The following ABCA1 variants were observed in gnomAD, a reference collection of about 807,000 sequenced individuals.
ABCA1 encodes the protein ATP binding cassette subfamily A member 1.
ABCA1 carries 133 observed loss-of-function variants against 262.5 expected under a neutral mutation model. The observed-to-expected ratio is 0.51, with a 90% CI of 0.44 to 0.59. ABCA1 has a LOEUF of 0.59. Ranked by LOEUF, ABCA1 falls within the 20% of genes least tolerant of loss-of-function variation. The pLI, the probability that ABCA1 is intolerant of heterozygous loss-of-function variation, is 0.00. For synonymous variants in ABCA1, 1,022 were observed against 1,043.5 expected, an observed-to-expected ratio of 0.98 and a Z score of 0.40; for missense variants, 2,452 against 2,777.5, an observed-to-expected ratio of 0.88 and a Z score of 2.63.
chr9:104,808,932 T>C (rs907060826), intron 30 of ABCA1, among the ~76,000 whole-genome samples: 9 of 152,236 alleles, frequency 5.9e-5, no homozygotes, highest in African/African-American at 1.2e-4. Context: ...TTAAGGGTCA[T>C]ATGGATGCTT....
intron 5 of ABCA1, among the ~76,000 whole-genome samples, chr9:104,874,457 C>T (rs1484647213): frequency 4.0e-5 from 6 of 151,788 alleles, no homozygotes; most frequent in African/African-American, 1.2e-4. Context: ...CCCAGCTATT[C>T]GGGAGGCTGA....
intron 40 of ABCA1, among the ~76,000 whole-genome samples, chr9:104,794,112 T>A (rs978215440): frequency 6.6e-6 from 1 of 152,354 alleles, no homozygotes; most frequent in East Asian, 1.9e-4. Context: ...GACAGTGGCA[T>A]GAGCCAGTGG....
In ABCA1 at chr9:104,806,236, C is replaced by T. The variant is rs1362525619; in HGVS notation, c.4464+5G>A. The T allele has an allele frequency of 6.2e-7, 1 of 1,612,584 alleles. No individual in the cohort carries two copies. The highest frequency in any genetic ancestry group is 8.5e-7 in the Non-Finnish European group (1 of 1,179,916). On this transcript the variant is annotated splice_donor_5th_base_variant and intron_variant, in intron 31 of 49. Transcript: ENST00000374736. ...CTGCCCAATCACCCCCTGAAAGTGA[C>T]TCACTTGTGGAGGAGGCAGCCCCCC... is the stretch of plus-strand genomic sequence containing the variant.
chr9:104,889,346 G>A lies in ABCA1; in HGVS notation c.67-151C>T, dbSNP rs1400035073. On this transcript the variant is annotated intron_variant, in intron 2 of 49. Coordinates refer to ENST00000374736, the MANE Select transcript of ABCA1 (RefSeq NM_005502.4). ...CCACTCTCTAAGCTTTAACAGAACTGTTTGGAGTCCCAACCTTTTAACATA... is the reference window on the plus strand; with the variant it reads ...CCACTCTCTAAGCTTTAACAGAACTATTTGGAGTCCCAACCTTTTAACATA... 20 of 1,526,008 alleles carry A rather than the reference G, an allele frequency of 1.3e-5. No individual in the cohort carries two copies. The Admixed American group carries it at 3.6e-4, about 28-fold the overall frequency. The allele number at this position is 1,526,008 out of a possible 1,614,324, so 94.5% of individuals were successfully genotyped here.
intron 5 of ABCA1, among the ~76,000 whole-genome samples, chr9:104,881,874 A>C (rs1169585357): frequency 1.3e-5 from 2 of 151,934 alleles, no homozygotes; most frequent in East Asian, 3.9e-4. Context: ...GGAGTTGTCT[A>C]AGTGGACACT....
At chr9:104,893,185 G>A (rs1839904883) in intron 2 of ABCA1, among the ~76,000 whole-genome samples, 1 of 152,088 alleles carries the variant, frequency 6.6e-6, no homozygotes, top group South Asian at 2.1e-4. Flanking sequence ...CACTTTGGGA[G>A]GCTGAGGTGG....
At chr9:104,824,410 T>G (rs971437189) in intron 18 of ABCA1, 55 bp downstream of exon 18, 2 of 1,611,614 alleles carry the variant, frequency 1.2e-6, no homozygotes, top group Non-Finnish European at 1.7e-6. Flanking sequence ...CCCCAACAGT[T>G]AGCAGAGGCA....
chr9:104,824,596 G>C lies in ABCA1; in HGVS notation c.2543-18C>G. 6.2e-7 allele frequency: 1 copy of C among 1,612,804 alleles called. No individual in the cohort carries two copies. ...GTACTGGCCTGAAAGCAAAGCACAG[G>C]TATGAGCCAAGCTCAGCATCATCCC... On this transcript the variant is annotated intron_variant, in intron 17 of 49. Transcript: ENST00000374736.
At chr9:104,924,626 G>C (rs2994375) in intron 1 of ABCA1, among the ~76,000 whole-genome samples, 5 of 99,110 alleles carry the variant, frequency 5.0e-5, no homozygotes, top group Non-Finnish European at 9.6e-5. Flanking sequence ...AAAAAAAAAA[G>C]AAAAAGTATT....
chr9:104,816,174 C>G lies in ABCA1; in HGVS notation c.3707G>C (p.Ser1236Thr). 2.5e-6 allele frequency: 4 copies of G among 1,614,210 alleles called. No individual in the cohort carries two copies. The highest frequency in any genetic ancestry group is 3.4e-6 in the Non-Finnish European group (4 of 1,180,040). The stretch of plus-strand genomic sequence containing the variant: ...CAGGGTCGTCTCTGAGATGCCATAA[C>G]TAGAAATGCCCAGGTCTGAGAGCCG... ...DDRLSDLGIS[S>T]YGISETTLEE... is the part of the protein sequence containing the mutation. The change falls in exon 25 of 50, where the codon AGT becomes ACT. Residue 1236 changes from serine to threonine, a missense_variant. By Grantham distance (58) the Ser-to-Thr change is moderately conservative. This residue lies in a region of ABCA1 where 665 missense variants were observed against 727.3 expected (regional missense o/e 0.91). Coordinates refer to ENST00000374736, the MANE Select transcript of ABCA1 (RefSeq NM_005502.4).
intron 41 of ABCA1, 79 bp downstream of exon 41, chr9:104,793,092 C>T (rs965652653): frequency 5.0e-5 from 80 of 1,599,172 alleles, no homozygotes; most frequent in Middle Eastern, 1.8e-4. Flanking sequence ...CAATGCAACC[C>T]CCATTGGTGA....
At chr9:104,925,038 G>A (rs1191239894) in intron 1 of ABCA1, among the ~76,000 whole-genome samples, 1 of 152,142 alleles carries the variant, frequency 6.6e-6, no homozygotes, top group Non-Finnish European at 1.5e-5. Flanking sequence ...TTCCAATCCT[G>A]CACTAATGCA....
intron 33 of ABCA1, among the ~76,000 whole-genome samples, chr9:104,803,008 G>A (rs1830471222): frequency 6.6e-6 from 1 of 152,182 alleles, no homozygotes; most frequent in African/African-American, 2.4e-5. Flanking sequence ...TTCTCCTCAA[G>A]GAAATCAGTA....
At chr9:104,839,074 G>A (rs947820190) in intron 9 of ABCA1, among the ~76,000 whole-genome samples, 10 of 152,178 alleles carry the variant, frequency 6.6e-5, no homozygotes, top group African/African-American at 2.4e-4. Flanking sequence ...GGTTGGAAAT[G>A]GAGAAAGGTT....
chr9:104,811,031 C>T lies in ABCA1; in HGVS notation c.4051-107G>A, dbSNP rs946297007. 1.4e-5 allele frequency: 21 copies of T among 1,521,966 alleles called. 1 individual carries two copies. The South Asian group carries it at 2.3e-4, about 17-fold the overall frequency. 94.3% of individuals were successfully genotyped at this position (1,521,966 alleles called of 1,614,324 possible). A position where few individuals can be genotyped will look rare whatever the true frequency, so the allele number is the denominator to read the frequency against. ...GAGTCCAGCCCACCTCCCCGACCAA[C>T]CAGCACGGCAATGAGGAATGCAGGG... On this transcript the variant is annotated intron_variant, in intron 28 of 49. Transcript: ENST00000374736.
rs377140470 is a variant in ABCA1, at chr9:104,903,359, T to C, written c.66+255A>G. Among the ~76,000 whole-genome samples, 5 of 152,140 alleles carry C rather than the reference T, an allele frequency of 3.3e-5. No individual in the cohort carries two copies. The East Asian group carries it at 9.6e-4, about 29-fold the overall frequency. ...TCAGGGGCGATTCGGAGCCAGGTCC[T>C]AGGGATCAGAACTCATGCCTGGGCA... is the stretch of plus-strand genomic sequence containing the variant. On this transcript the variant is annotated intron_variant, in intron 2 of 49. Transcript: ENST00000374736.
chr9:104,864,692 A>G (rs1417662837), intron 5 of ABCA1, among the ~76,000 whole-genome samples: 1 of 152,110 alleles, frequency 6.6e-6, no homozygotes, highest in Non-Finnish European at 1.5e-5. Context: ...AGAGCAATAC[A>G]TCATATTGCA....
At chr9:104,794,187 C>G (rs1337074118) in intron 40 of ABCA1, among the ~76,000 whole-genome samples, 200 bp downstream of exon 40, 1 of 152,172 alleles carries the variant, frequency 6.6e-6, no homozygotes, top group East Asian at 1.9e-4. Context: ...TCAATGCTAT[C>G]AGAGACACAG....
rs1237094942 is a variant in ABCA1 at position 104,806,363 on chromosome 9, G to T, written c.4342C>A (p.Leu1448Ile). 6.2e-7 allele frequency: 1 copy of T among 1,614,198 alleles called. No individual in the cohort carries two copies. The highest frequency in any genetic ancestry group is 8.5e-7 in the Non-Finnish European group (1 of 1,180,046). ...TAPVPQTIMDLFQNGNWTMQN... is the reference protein window; with the variant it reads ...TAPVPQTIMDIFQNGNWTMQN... ...ATTGTCCAGTTCCCATTCTGGAAGA[G>T]GTCCATGATGGTCTGGGGAACTGGG... Residue 1448 changes from leucine (L) to isoleucine (I), a missense_variant, in exon 31 of 50, where the codon CTC (leucine) becomes ATC (isoleucine). Transcript: ENST00000374736.
Sources: allele counts gnomAD v4.1 joint callset (sites outside exome capture counted in the v4.1 genomes callset), GRCh38; gene constraint gnomAD v4.1.1; regional missense constraint gnomAD v4.1.1; transcripts MANE v1.5; gene names NCBI Gene and HGNC (gene_info 2026-07-23, HGNC 2026-07-21).